ZDHHC20: variants seen among roughly 807,000 people sequenced by gnomAD.
The protein encoded by ZDHHC20 is zDHHC palmitoyltransferase 20.
A neutral mutation model predicts 57.8 loss-of-function variants in ZDHHC20; 43 were observed. That is an observed-to-expected ratio of 0.74 (90% confidence interval 0.58 to 0.96). The LOEUF (loss-of-function observed/expected upper bound fraction) is 0.96. Among genes scored for constraint, ZDHHC20 ranks in the 40% least tolerant of loss-of-function variants. ZDHHC20 has a pLI of 0.00. For missense variants in ZDHHC20, 391 were observed against 441.1 expected (o/e 0.89, Z 1.02); for synonymous variants, 157 against 153.0 (o/e 1.03, Z -0.19).
intron 7 of ZDHHC20, 66 bp from the exon 8 acceptor site, chr13:21,391,920 C>G: frequency 1.3e-6 from 2 of 1,505,240 alleles, no homozygotes; most frequent in Non-Finnish European, 1.8e-6. Flanking sequence ...TTAGTTCTGT[C>G]TAAAGATTGT....
At chr13:21,407,559 CCCATTCTGTA>C (rs772017751) in intron 4 of ZDHHC20, among the ~76,000 whole-genome samples, 2 of 152,126 alleles carry the variant, frequency 1.3e-5, no homozygotes, top group Admixed American at 6.6e-5. Context: ...AAAATTTTCT[CCCATTCTGTA>C]GGTTGCCTGT....
rs1881068516 is a variant in ZDHHC20, at chr13:21,424,782, C to A, written c.145+870G>T. On this transcript the variant is annotated intron_variant, in intron 2 of 12. Coordinates refer to ENST00000400590, the MANE Select transcript of ZDHHC20 (RefSeq NM_001330059.2). ...GAGATAATGATTTAAGTTAAAAGTT[C>A]TTTTATAAGAACTTCTGAAATTCTT... is the stretch of plus-strand genomic sequence containing the variant. Among the ~76,000 whole-genome samples the A allele has an allele frequency of 1.3e-5, 2 of 151,158 alleles. 1 individual carries two copies. The highest frequency in any genetic ancestry group is 1.3e-4 in the Admixed American group (2 of 15,198).
intron 1 of ZDHHC20, among the ~76,000 whole-genome samples, chr13:21,440,146 G>C (rs919623046): frequency 2.6e-5 from 4 of 150,956 alleles, no homozygotes; most frequent in Non-Finnish European, 5.9e-5. Context: ...AGGTAAAGGG[G>C]CATTAGCTCT....
At chr13:21,408,327 C>T (rs573542888) in intron 4 of ZDHHC20, among the ~76,000 whole-genome samples, 97 of 152,242 alleles carry the variant, frequency 6.4e-4, no homozygotes, top group Non-Finnish European at 1.1e-3. Flanking sequence ...CCTTGAAGAG[C>T]TCCTTCACAT....
intron 7 of ZDHHC20, among the ~76,000 whole-genome samples, chr13:21,395,722 G>C (rs545258613): frequency 3.3e-5 from 5 of 151,240 alleles, no homozygotes; most frequent in Admixed American, 1.3e-4. Flanking sequence ...GAATGGTCTC[G>C]ATCTCCTGAC....
At chr13:21,383,433 C>T (rs997726012) in intron 9 of ZDHHC20, among the ~76,000 whole-genome samples, 13 of 152,186 alleles carry the variant, frequency 8.5e-5, no homozygotes, top group Admixed American at 2.6e-4. Context: ...CCTCCTCAGC[C>T]GTGTGTGAGT....
intron 9 of ZDHHC20, among the ~76,000 whole-genome samples, chr13:21,386,003 A>T (rs577814966): frequency 4.3e-4 from 66 of 152,352 alleles, no homozygotes; most frequent in African/African-American, 1.5e-3. Context: ...ATCGACTTAG[A>T]ATTCACTGTT....
chr13:21,379,598 T>C (rs1035072035), intron 11 of ZDHHC20, among the ~76,000 whole-genome samples: 9 of 151,858 alleles, frequency 5.9e-5, no homozygotes, highest in Non-Finnish European at 2.9e-5. Context: ...CACTTTTCTA[T>C]AGTGCAAGGA....
At chr13:21,400,263 A>G in intron 7 of ZDHHC20, 110 bp downstream of exon 7, 1 of 1,074,466 alleles carries the variant, frequency 9.3e-7, no homozygotes, top group Non-Finnish European at 1.3e-6. Context: ...TAAAACTCTA[A>G]CTTGTAAAAT....
chr13:21,394,570 GAAGA>G, intron 7 of ZDHHC20, among the ~76,000 whole-genome samples: 1 of 152,176 alleles, frequency 6.6e-6, no homozygotes, highest in Non-Finnish European at 1.5e-5. Flanking sequence ...TTTATTGAAT[GAAGA>G]AAAAGGTATA....
chr13:21,444,437 C>G (rs181109382), intron 1 of ZDHHC20, among the ~76,000 whole-genome samples: 55 of 152,242 alleles, frequency 3.6e-4, no homozygotes, highest in African/African-American at 1.2e-3. Flanking sequence ...TTTAAAGGCA[C>G]TGAAGTCTTC....
rs573002255 is a variant in ZDHHC20, at chr13:21,446,572, A to T, written c.118+12482T>A. Among the ~76,000 whole-genome samples the T allele has an allele frequency of 5.3e-5, 8 of 152,242 alleles. No individual in the cohort carries two copies. In the South Asian group the frequency reaches 1.0e-3, roughly 20 times the overall value. On this transcript the variant is annotated intron_variant, in intron 1 of 12. Transcript: ENST00000400590. The stretch of plus-strand genomic sequence containing the variant: ...CAAAATAGAGATGTTTTAAAACCAA[A>T]TTTTTTTTAAATTTTATTTTAAAGA...
At position 21,373,239 on chromosome 13, in the gene ZDHHC20, G is replaced by A. The variant is rs987301281; in HGVS notation, c.*3457C>T. 4 of 152,240 alleles carry A rather than the reference G, an allele frequency of 2.6e-5. No homozygotes were observed. The highest frequency in any genetic ancestry group is 9.6e-5 in the African/African-American group (4 of 41,538). 9.4% of individuals were successfully genotyped at this position (152,240 alleles called of 1,614,324 possible). A position where few individuals can be genotyped will look rare whatever the true frequency, so the allele number is the denominator to read the frequency against. On this transcript the variant is annotated 3_prime_UTR_variant, in exon 13 of 13. Coordinates refer to ENST00000400590, the MANE Select transcript of ZDHHC20 (RefSeq NM_001330059.2). Reference sequence around the variant, plus strand: ...ATTTGTAAGTTACTGCCTATTCAATGCCCAGAATATGTAGATCCTAAATCT... The same window carrying A: ...ATTTGTAAGTTACTGCCTATTCAATACCCAGAATATGTAGATCCTAAATCT...
chr13:21,452,079 T>G (rs1004437669), intron 1 of ZDHHC20, among the ~76,000 whole-genome samples: 17 of 152,204 alleles, frequency 1.1e-4, no homozygotes, highest in African/African-American at 3.9e-4. Context: ...TATGCTAATC[T>G]TCTCTGTACT....
chr13:21,407,008 AGT>A (rs965222022), intron 4 of ZDHHC20, among the ~76,000 whole-genome samples: 6 of 152,068 alleles, frequency 3.9e-5, no homozygotes, highest in African/African-American at 1.4e-4. Context: ...ACAGTGTAAA[AGT>A]GTTTCTATTT....
At chr13:21,443,090 T>C in intron 1 of ZDHHC20, among the ~76,000 whole-genome samples, 1 of 152,210 alleles carries the variant, frequency 6.6e-6, no homozygotes, top group East Asian at 1.9e-4. Context: ...AGTGCATTTA[T>C]TTATCCTCTA....
In ZDHHC20 at chr13:21,459,112, GA is replaced by G; in HGVS notation, c.59del (p.Leu20ProfsTer52). 3 of 1,607,936 alleles carry G rather than the reference GA, an allele frequency of 1.9e-6. No individual in the cohort carries two copies. Among genetic ancestry groups the G allele is most frequent in the Non-Finnish European group, 2.5e-6 (3 of 1,177,698 alleles). On this transcript the variant is annotated frameshift_variant, in exon 1 of 13. Coordinates refer to ENST00000400590, the MANE Select transcript of ZDHHC20 (RefSeq NM_001330059.2). LOFTEE classifies it high-confidence loss of function. The stretch of plus-strand genomic sequence containing the variant: ...ACCAGACGACCACGAAGGTGATGAA[GA>G]GCACCGGCACCCAGCCCACGACGCG... ...CQRVVGWVPV[L>X]FITFVVVWSY...
chr13:21,455,363 T>G (rs1177589905), intron 1 of ZDHHC20, among the ~76,000 whole-genome samples: 1 of 152,178 alleles, frequency 6.6e-6, no homozygotes, highest in Non-Finnish European at 1.5e-5. Context: ...CAACAAGATA[T>G]TCTGATAAAA....
intron 7 of ZDHHC20, among the ~76,000 whole-genome samples, chr13:21,399,926 A>AT (rs1439177580): frequency 6.6e-6 from 1 of 151,956 alleles, no homozygotes; most frequent in African/African-American, 2.4e-5. Context: ...AAGACATTTG[A>AT]TTGTTTTCAT....
Sources: gnomAD v4.1 joint callset for allele counts (sites outside exome capture counted in the v4.1 genomes callset) on GRCh38, gnomAD v4.1.1 for gene constraint, MANE v1.5 for transcripts, NCBI Gene and HGNC (gene_info 2026-07-23, HGNC 2026-07-21) for gene names.